The following KRT8 variants were observed in gnomAD, a reference collection of about 807,000 sequenced individuals.
KRT8 encodes the protein keratin 8.
KRT8 carries 24 observed loss-of-function variants against 43.0 expected under a neutral mutation model. The ratio of observed to expected loss-of-function variants is 0.56; its 90% confidence interval spans 0.40 to 0.78. The LOEUF is 0.78. Ranked by LOEUF, KRT8 falls within the 30% of genes least tolerant of loss-of-function variation. KRT8 has a pLI of 0.00. For missense variants in KRT8, 492 were observed against 638.4 expected (o/e 0.77, Z 2.47); for synonymous variants, 214 against 261.2 (o/e 0.82, Z 1.74).
intron 2 of KRT8, among the ~76,000 whole-genome samples, chr12:52,937,653 A>T (rs1404452588): frequency 6.7e-6 from 1 of 150,066 alleles, no homozygotes; most frequent in Non-Finnish European, 1.5e-5. Flanking sequence ...CCGCCACTGT[A>T]CTCCAGCCTG....
chr12:52,942,738 A>C (rs1942286857), intron 2 of KRT8, among the ~76,000 whole-genome samples: 1 of 152,014 alleles, frequency 6.6e-6, no homozygotes, highest in Non-Finnish European at 1.5e-5. Context: ...CCCCCAGGAT[A>C]CGCAGTGTTT....
At chr12:52,931,605 C>G (rs1942084575) in intron 2 of KRT8, among the ~76,000 whole-genome samples, 1 of 151,952 alleles carries the variant, frequency 6.6e-6, no homozygotes, top group South Asian at 2.1e-4. Context: ...CTTCACTAAC[C>G]TTTCCCACTT....
intron 2 of KRT8, among the ~76,000 whole-genome samples, chr12:52,932,210 TC>T (rs1406691404): frequency 6.6e-6 from 1 of 150,612 alleles, no homozygotes; most frequent in Non-Finnish European, 1.5e-5. Context: ...TGCCTCAGCC[TC>T]CTGTGTAGCT....
chr12:52,898,596 A>G (rs888782248), intron 6 of KRT8, 77 bp from the exon 7 acceptor site: 2 of 1,611,286 alleles, frequency 1.2e-6, no homozygotes, highest in Non-Finnish European at 1.7e-6. Flanking sequence ...CCAAGTCCCA[A>G]GGGGCTTCAG....
chr12:52,914,174 G>A (rs547857325), intron 2 of KRT8, among the ~76,000 whole-genome samples: 98 of 152,060 alleles, frequency 6.4e-4, no homozygotes, highest in African/African-American at 2.3e-3. Flanking sequence ...AGTGAGCCAA[G>A]ACTGCCCTAT....
chr12:52,948,941 G>A (rs534114392), intron 2 of KRT8: 340 of 437,722 alleles, frequency 7.8e-4, no homozygotes, highest in African/African-American at 6.6e-3. Flanking sequence ...TCTGGGGGGT[G>A]AGCGGGGCTT....
At chr12:52,899,996 G>A (rs529984816) in exon 5 of KRT8, 4 of 1,613,182 alleles carry the variant, frequency 2.5e-6, no homozygotes, top group Admixed American at 3.3e-5. Context: ...TCCATGTCCA[G>A]GGAGCGGCTG....
Position 52,919,531 on chromosome 12 carries a change from G to A in KRT8, c.-46-14504C>T, listed in dbSNP as rs185768400. Among the ~76,000 whole-genome samples the A allele has an allele frequency of 1.2e-3, 177 of 152,104 alleles. 1 individual carries two copies. The highest frequency in any genetic ancestry group is 2.0e-3 in the Admixed American group (31 of 15,260). On this transcript the variant is annotated intron_variant, in intron 2 of 6. Transcript: ENST00000546826. ...GATCTGCTCGCCTCAGCCTCCCAAA[G>A]TGCTGGGATTACAGGTGTGAGCCAC...
chr12:52,904,804 T>C (rs1181183046), exon 1 of KRT8: 1 of 1,612,260 alleles, frequency 6.2e-7, no homozygotes, highest in East Asian at 2.2e-5. Flanking sequence ...ATGCCTCCCA[T>C]GCCGCTGGCC....
At chr12:52,929,485 C>T (rs1472248531) in intron 2 of KRT8, among the ~76,000 whole-genome samples, 1 of 152,166 alleles carries the variant, frequency 6.6e-6, no homozygotes, top group Admixed American at 6.6e-5. Context: ...TGAGCCACCT[C>T]GTCCAACCGC....
chr12:52,924,839 C>T (rs1941958986), intron 2 of KRT8, among the ~76,000 whole-genome samples: 1 of 152,186 alleles, frequency 6.6e-6, no homozygotes, highest in South Asian at 2.1e-4. Flanking sequence ...ACTCTGTGGT[C>T]TGCGGCAACA....
At chr12:52,945,750 C>T (rs1490633637) in intron 2 of KRT8, among the ~76,000 whole-genome samples, 2 of 152,070 alleles carry the variant, frequency 1.3e-5, no homozygotes, top group African/African-American at 4.8e-5. Context: ...CCCCTCTTTC[C>T]GGATTCCCCC....
chr12:52,945,755 T>C (rs1285865259), intron 2 of KRT8, among the ~76,000 whole-genome samples: 2 of 151,732 alleles, frequency 1.3e-5, no homozygotes, highest in Non-Finnish European at 2.9e-5. Flanking sequence ...CTTTCCGGAT[T>C]CCCCCCTGCC....
intron 2 of KRT8, among the ~76,000 whole-genome samples, chr12:52,926,972 A>ATGAT (rs1189751648): frequency 6.8e-6 from 1 of 146,604 alleles, no homozygotes; most frequent in Non-Finnish European, 1.5e-5. Context: ...GAATGAATGA[A>ATGAT]TGATTCAATT....
In KRT8 at chr12:52,901,146, G is replaced by A. The variant is rs1394497087; in HGVS notation, c.594+13C>T. 2 of 1,582,320 alleles carry A rather than the reference G, an allele frequency of 1.3e-6. No individual in the cohort carries two copies. The highest frequency in any genetic ancestry group is 1.7e-6 in the Non-Finnish European group (2 of 1,151,114). Reference sequence around the variant, plus strand: ...CCTCCAGTGTCCAGATAGGAGAAGGGAGACTCCCTCACCTTCTTGATGAGG... The same window carrying A: ...CCTCCAGTGTCCAGATAGGAGAAGGAAGACTCCCTCACCTTCTTGATGAGG... On this transcript the variant is annotated intron_variant, in intron 3 of 7. Coordinates refer to ENST00000692008, the Ensembl canonical transcript of KRT8.
intron 2 of KRT8, among the ~76,000 whole-genome samples, chr12:52,912,784 G>A (rs906538931): frequency 2.0e-5 from 3 of 152,212 alleles, no homozygotes; most frequent in African/African-American, 7.2e-5. Flanking sequence ...GGCAGGCTGG[G>A]GCAAATGAAA....
At chr12:52,948,819 C>T in intron 2 of KRT8, 1 of 410,444 alleles carries the variant, frequency 2.4e-6, no homozygotes, top group Non-Finnish European at 4.2e-6. Context: ...CTCGCCAGCA[C>T]CTCCTCCACC....
At chr12:52,926,332 G>GCCCAACCCCCCCC in intron 2 of KRT8, 1 of 600,276 alleles carries the variant, frequency 1.7e-6, no homozygotes, top group Non-Finnish European at 3.0e-6. Flanking sequence ...GGCACTAGCT[G>GCCCAACCCCCCCC]CCCTCCCCAC....
chr12:52,925,841 C>T (rs1439587866), intron 2 of KRT8, among the ~76,000 whole-genome samples: 1 of 152,198 alleles, frequency 6.6e-6, no homozygotes, highest in Non-Finnish European at 1.5e-5. Context: ...TGGAGCCTAC[C>T]AACAAAGGGA....
Sources: allele counts gnomAD v4.1 joint callset (sites outside exome capture counted in the v4.1 genomes callset), GRCh38; gene constraint gnomAD v4.1.1; transcripts MANE v1.5; gene names NCBI Gene and HGNC (gene_info 2026-07-23, HGNC 2026-07-21).